ZNF730: variants seen among roughly 807,000 people sequenced by gnomAD.
ZNF730 encodes putative zinc finger protein 730.
In ZNF730, 12 loss-of-function variants were observed where a neutral mutation model predicts 12.6. That is an observed-to-expected ratio of 0.95 (90% CI 0.61 to 1.54). The LOEUF is 1.54. Among genes scored for constraint, ZNF730 ranks in the 40% most tolerant of loss-of-function variants. The pLI, the probability that ZNF730 is intolerant of heterozygous loss-of-function variation, is 0.00. For synonymous variants in ZNF730, 194 were observed against 195.8 expected, an observed-to-expected ratio of 0.99 and a Z score of 0.08; for missense variants, 643 against 583.5, an observed-to-expected ratio of 1.10 and a Z score of -1.05.
chr19:23,091,191 G>A lies in ZNF730; in HGVS notation c.-94+15804G>A, dbSNP rs1483022834. ...CAAGCCTTGGTAGCTTCCATGTGGT[G>A]TTGAGGCTGTGGGTGCACAGAAGTC... On this transcript the variant is annotated intron_variant, in intron 1 of 2. Transcript: ENST00000593635. 2.6e-5 allele frequency among the ~76,000 whole-genome samples: 4 copies of A among 152,292 alleles called. No homozygotes were observed. In the East Asian group the frequency reaches 5.8e-4, roughly 22 times the overall value.
At chr19:23,137,187 A>C (rs1401936892) in intron 3 of ZNF730, among the ~76,000 whole-genome samples, 1 of 152,226 alleles carries the variant, frequency 6.6e-6, no homozygotes, top group African/African-American at 2.4e-5. Flanking sequence ...AAAATTAAAA[A>C]TAAGGCACTG....
chr19:23,137,917 G>A (rs182437095), intron 3 of ZNF730, among the ~76,000 whole-genome samples: 1 of 152,310 alleles, frequency 6.6e-6, no homozygotes. Context: ...TTGCTCTGTA[G>A]GGTAGACACT....
upstream of ZNF730, among the ~76,000 whole-genome samples, chr19:23,112,325 A>G (rs1157630239): frequency 6.6e-6 from 1 of 152,214 alleles, no homozygotes; most frequent in Non-Finnish European, 1.5e-5. Flanking sequence ...TCTACAAACA[A>G]TAGAAATTTA....
chr19:23,075,940 T>G (rs1969851846), intron 1 of ZNF730, among the ~76,000 whole-genome samples: 3 of 152,154 alleles, frequency 2.0e-5, no homozygotes, highest in Admixed American at 2.0e-4. Flanking sequence ...ATTTTTTAAA[T>G]TTATGAACAC....
chr19:23,125,498 G>A (rs928051764), intron 1 of ZNF730, among the ~76,000 whole-genome samples: 5 of 152,146 alleles, frequency 3.3e-5, no homozygotes, highest in African/African-American at 1.2e-4. Flanking sequence ...TGGAGCAAAG[G>A]TGACTTTTCT....
At chr19:23,105,459 G>T (rs1970382623) in intron 1 of ZNF730, among the ~76,000 whole-genome samples, 1 of 151,884 alleles carries the variant, frequency 6.6e-6, no homozygotes, top group African/African-American at 2.4e-5. Context: ...TTTCTACATG[G>T]ATTATATAAA....
At position 23,145,733 on chromosome 19, in the gene ZNF730, G is replaced by C; in HGVS notation, c.689G>C (p.Cys230Ser). The C allele has an allele frequency of 6.4e-7, 1 of 1,559,596 alleles. No individual in the cohort carries two copies. Among genetic ancestry groups the C allele is most frequent in the Non-Finnish European group, 8.7e-7 (1 of 1,153,658 alleles). ...ATTACTGAGAAAAAACCTTACAAAT[G>C]TAAAGAATGTGGCAAAGCCTTTAAC... ...KRITEKKPYKCKECGKAFNWF... is the reference protein window; with the variant it reads ...KRITEKKPYKSKECGKAFNWF... The change falls in exon 4 of 4, where the codon TGT (cysteine) becomes TCT (serine). Residue 230 changes from cysteine to serine, a missense_variant. Transcript: ENST00000597761.
intron 1 of ZNF730, among the ~76,000 whole-genome samples, chr19:23,130,234 T>C (rs977019876): frequency 6.6e-6 from 1 of 152,080 alleles, no homozygotes; most frequent in Non-Finnish European, 1.5e-5. Context: ...AACTTCAGAA[T>C]ATATAATGGT....
intron 1 of ZNF730, among the ~76,000 whole-genome samples, chr19:23,102,260 G>A (rs1288494074): frequency 6.6e-6 from 1 of 152,116 alleles, no homozygotes; most frequent in African/African-American, 2.4e-5. Context: ...CATGTGGTGT[G>A]ACTGTACTGT....
chr19:23,137,556 G>A (rs1003129200), intron 3 of ZNF730, among the ~76,000 whole-genome samples: 2 of 152,172 alleles, frequency 1.3e-5, no homozygotes, highest in African/African-American at 4.8e-5. Flanking sequence ...CAATGTCAGT[G>A]ACTTTAAAAA....
At chr19:23,093,485 A>G (rs1353177679) in intron 1 of ZNF730, among the ~76,000 whole-genome samples, 3 of 152,208 alleles carry the variant, frequency 2.0e-5, no homozygotes, top group Non-Finnish European at 4.4e-5. Context: ...GCTGTGGGTT[A>G]GGGGGTACCC....
At chr19:23,091,009 A>G (rs1005354060) in intron 1 of ZNF730, among the ~76,000 whole-genome samples, 3 of 151,934 alleles carry the variant, frequency 2.0e-5, no homozygotes, top group Non-Finnish European at 2.9e-5. Context: ...TCAAAAAAAA[A>G]AAAAAGAAAA....
At chr19:23,143,540 G>A (rs1970959099) in intron 3 of ZNF730, 1 of 152,006 alleles carries the variant, frequency 6.6e-6, no homozygotes, top group Non-Finnish European at 1.5e-5. Context: ...TGATTATATG[G>A]TATTTTCTTG....
rs1179698813 is a variant in ZNF730 at position 23,146,561 on chromosome 19, G to A, written c.*5G>A. 1 of 1,585,222 alleles carries A rather than the reference G, an allele frequency of 6.3e-7. No homozygotes were observed. The highest frequency in any genetic ancestry group is 1.8e-5 in the Admixed American group (1 of 55,548). ...CATAAGACAATTCATACATAAAATT[G>A]TAAAGACTGTGGCAAAGCTTTTAAA... On this transcript the variant is annotated 3_prime_UTR_variant, in exon 4 of 4. Transcript: ENST00000597761.
chr19:23,117,166 G>A lies in ZNF730; in HGVS notation c.-8G>A, dbSNP rs1188217837. On this transcript the variant is annotated 5_prime_UTR_variant, in exon 1 of 4. Coordinates refer to ENST00000597761, the MANE Select transcript of ZNF730 (RefSeq NM_001277403.2). ...GCTAAGACGCCAGGGCCCCCTGGAA[G>A]CCTAGAAATGGTGAGAGTGCCGGTC... 1.9e-6 allele frequency: 3 copies of A among 1,613,848 alleles called. No individual in the cohort carries two copies. The African/African-American group carries it at 4.0e-5, about 22-fold the overall frequency.
chr19:23,078,724 C>G (rs1407330807), intron 1 of ZNF730, among the ~76,000 whole-genome samples: 1 of 152,144 alleles, frequency 6.6e-6, no homozygotes, highest in African/African-American at 2.4e-5. Context: ...TCCCACCCGA[C>G]GAGAAACACC....
chr19:23,094,829 A>AT (rs1396671978), intron 1 of ZNF730, among the ~76,000 whole-genome samples: 11 of 151,648 alleles, frequency 7.3e-5, no homozygotes, highest in South Asian at 4.2e-4. Context: ...CTTTGGTTAT[A>AT]TATATTACTC....
At chr19:23,140,366 T>G (rs1459498825) in intron 3 of ZNF730, among the ~76,000 whole-genome samples, 1 of 152,082 alleles carries the variant, frequency 6.6e-6, no homozygotes, top group Non-Finnish European at 1.5e-5. Context: ...TCCCAGCACT[T>G]TGGGAGGCCA....
chr19:23,099,533 T>C (rs1372927771), intron 1 of ZNF730, among the ~76,000 whole-genome samples: 1 of 152,196 alleles, frequency 6.6e-6, no homozygotes, highest in Non-Finnish European at 1.5e-5. Flanking sequence ...GAAAATGGAC[T>C]CTGTTTGTGG....
Sources: allele counts gnomAD v4.1 joint callset (sites outside exome capture counted in the v4.1 genomes callset), GRCh38; gene constraint gnomAD v4.1.1; transcripts MANE v1.5; gene names NCBI Gene and HGNC (gene_info 2026-07-23, HGNC 2026-07-21).